ADAM10: variants seen among roughly 807,000 people sequenced by gnomAD.
The protein encoded by ADAM10 is ADAM metallopeptidase domain 10.
A neutral mutation model predicts 90.1 loss-of-function variants in ADAM10; 17 were observed. The observed-to-expected ratio is 0.19, with a 90% CI of 0.13 to 0.28. The LOEUF is 0.28. ADAM10 is among the 10% of genes least tolerant of loss of function. The pLI is 1.00. For synonymous variants in ADAM10, 310 were observed against 298.6 expected, an observed-to-expected ratio of 1.04 and a Z score of -0.40; for missense variants, 610 against 914.3, an observed-to-expected ratio of 0.67 and a Z score of 4.29.
intron 2 of ADAM10, among the ~76,000 whole-genome samples, chr15:58,699,144 T>C (rs1284960450): frequency 2.6e-5 from 4 of 152,154 alleles, no homozygotes; most frequent in East Asian, 3.9e-4. Flanking sequence ...GGATGATATA[T>C]TCAAAGTGCT....
intron 9 of ADAM10, among the ~76,000 whole-genome samples, chr15:58,628,242 A>G (rs1896002139): frequency 6.6e-6 from 1 of 152,216 alleles, no homozygotes; most frequent in Non-Finnish European, 1.5e-5. Flanking sequence ...TCTCTAACAC[A>G]TATGTTAAAT....
intron 1 of ADAM10, among the ~76,000 whole-genome samples, chr15:58,729,408 C>G (rs1899148858): frequency 6.6e-6 from 1 of 152,154 alleles, no homozygotes; most frequent in South Asian, 2.1e-4. Flanking sequence ...CGACTAACAG[C>G]ATAGGTATCT....
chr15:58,593,656 T>C lies in ADAM10; in HGVS notation c.*3891A>G, dbSNP rs1477013035. 6.6e-6 allele frequency: 1 copy of C among 152,200 alleles called. No individual in the cohort carries two copies. Among genetic ancestry groups the C allele is most frequent in the African/African-American group, 2.4e-5 (1 of 41,442 alleles). The allele number at this position is 152,200 out of a possible 1,614,324, so 9.4% of individuals were successfully genotyped here. ...GTTCTTGTTCAATTCACCTTGTCCT[T>C]GTTGGATTACCCCACACCCTATCAC... On this transcript the variant is annotated 3_prime_UTR_variant, in exon 16 of 16. Coordinates refer to ENST00000260408, the MANE Select transcript of ADAM10 (RefSeq NM_001110.4).
chr15:58,722,301 C>T (rs1595656355), intron 1 of ADAM10, among the ~76,000 whole-genome samples: 2 of 152,122 alleles, frequency 1.3e-5, no homozygotes, highest in East Asian at 1.9e-4. Context: ...AAGATCGCAC[C>T]ACTGCACTTC....
At chr15:58,632,406 C>T (rs1301064014) in intron 9 of ADAM10, among the ~76,000 whole-genome samples, 1 of 152,152 alleles carries the variant, frequency 6.6e-6, no homozygotes, top group Non-Finnish European at 1.5e-5. Context: ...ATGTCAAAAT[C>T]TTCACAATTA....
At chr15:58,721,821 A>G (rs1212859105) in intron 1 of ADAM10, among the ~76,000 whole-genome samples, 2 of 152,166 alleles carry the variant, frequency 1.3e-5, no homozygotes, top group African/African-American at 4.8e-5. Context: ...TGAGGTCAGG[A>G]GTTCAAGACT....
chr15:58,644,096 T>G, intron 6 of ADAM10, 118 bp from the exon 7 acceptor site: 1 of 754,406 alleles, frequency 1.3e-6, no homozygotes, highest in South Asian at 1.5e-5. Context: ...TTTTAAAATG[T>G]CAACATTATA....
chr15:58,609,595 A>T (rs1895380364), intron 14 of ADAM10: 1 of 153,474 alleles, frequency 6.5e-6, no homozygotes, highest in Admixed American at 6.5e-5. Context: ...TCCAAAGCAA[A>T]CTACATTCAG....
intron 1 of ADAM10, among the ~76,000 whole-genome samples, chr15:58,724,393 T>C (rs1484912906): frequency 1.3e-5 from 2 of 151,348 alleles, no homozygotes; most frequent in Non-Finnish European, 2.9e-5. Context: ...ACTTCAGGAG[T>C]AATAGAGACT....
chr15:58,723,020 C>G (rs1446338778), intron 1 of ADAM10, among the ~76,000 whole-genome samples: 1 of 151,916 alleles, frequency 6.6e-6, no homozygotes. Flanking sequence ...GTGTGAGCCA[C>G]CATACCCAGC....
intron 2 of ADAM10, 105 bp downstream of exon 2, chr15:58,717,472 T>C (rs1285521620): frequency 7.0e-7 from 1 of 1,420,740 alleles, no homozygotes; most frequent in African/African-American, 1.4e-5. Context: ...AATTTCCAAA[T>C]GAAGACCTTG....
chr15:58,633,418 G>A lies in ADAM10; in HGVS notation c.1013-59C>T. Reference sequence around the variant, plus strand: ...TCTGTTTCCCCTTACCCCCAAAAAGGTAATACATGCTATATTAAATGAAAA... The same window carrying A: ...TCTGTTTCCCCTTACCCCCAAAAAGATAATACATGCTATATTAAATGAAAA... On this transcript the variant is annotated intron_variant, in intron 8 of 15. Transcript: ENST00000260408. The A allele has an allele frequency of 2.9e-6, 4 of 1,388,500 alleles. No individual in the cohort carries two copies. In the South Asian group the frequency reaches 4.7e-5, roughly 16 times the overall value. 86.0% of individuals were successfully genotyped at this position (1,388,500 alleles called of 1,614,324 possible).
At chr15:58,737,897 C>T (rs1414898276) in intron 1 of ADAM10, among the ~76,000 whole-genome samples, 1 of 152,176 alleles carries the variant, frequency 6.6e-6, no homozygotes, top group Non-Finnish European at 1.5e-5. Context: ...TCACCATCAT[C>T]ACCTTGGTGT....
At chr15:58,667,909 T>G (rs1453135040) in intron 4 of ADAM10, among the ~76,000 whole-genome samples, 2 of 151,978 alleles carry the variant, frequency 1.3e-5, no homozygotes, top group Non-Finnish European at 2.9e-5. Flanking sequence ...ATTTCTGTTT[T>G]GGGAGGGTAA....
intron 15 of ADAM10, among the ~76,000 whole-genome samples, chr15:58,599,188 G>A (rs1205497320): frequency 5.4e-5 from 8 of 148,978 alleles, no homozygotes; most frequent in African/African-American, 2.0e-4. Flanking sequence ...GCGGGAGGGA[G>A]GGAAGATGGA....
intron 1 of ADAM10, among the ~76,000 whole-genome samples, chr15:58,725,857 G>A (rs1227218366): frequency 1.3e-5 from 2 of 152,102 alleles, no homozygotes; most frequent in African/African-American, 4.8e-5. Context: ...AAGAGGAGGT[G>A]AAACGAAGCC....
At chr15:58,655,713 A>AT (rs1469742369) in intron 5 of ADAM10, among the ~76,000 whole-genome samples, 1 of 54,056 alleles carries the variant, frequency 1.8e-5, no homozygotes, top group African/African-American at 1.3e-4. Context: ...TATATATAGT[A>AT]TATATATATA....
chr15:58,706,809 G>C (rs1032584560), intron 2 of ADAM10, among the ~76,000 whole-genome samples: 6 of 152,084 alleles, frequency 3.9e-5, no homozygotes, highest in Admixed American at 1.3e-4. Flanking sequence ...AAGAGTTTGA[G>C]ACCAGCCTGG....
intron 5 of ADAM10, among the ~76,000 whole-genome samples, chr15:58,652,120 C>T (rs563101225): frequency 6.6e-6 from 1 of 152,092 alleles, no homozygotes; most frequent in South Asian, 2.1e-4. Flanking sequence ...AGAGTTATTT[C>T]AGCTCCTTAT....
Sources: allele counts gnomAD v4.1 joint callset (sites outside exome capture counted in the v4.1 genomes callset), GRCh38; gene constraint gnomAD v4.1.1; transcripts MANE v1.5; gene names NCBI Gene and HGNC (gene_info 2026-07-23, HGNC 2026-07-21).